The following ACLY variants were observed in gnomAD, a reference collection of about 807,000 sequenced individuals.
ACLY encodes ATP-citrate synthase.
A neutral mutation model predicts 133.0 loss-of-function variants in ACLY; 41 were observed. The ratio of observed to expected loss-of-function variants is 0.31; its 90% CI spans 0.24 to 0.40. ACLY has a LOEUF of 0.40. Among genes scored for constraint, ACLY ranks in the 10% least tolerant of loss-of-function variants. The pLI, the probability that ACLY is intolerant of heterozygous loss-of-function variation, is 1.00. For missense variants in ACLY, 1,046 were observed against 1,453.8 expected, an observed-to-expected ratio of 0.72 and a Z score of 4.56; for synonymous variants, 495 against 549.3, an observed-to-expected ratio of 0.90 and a Z score of 1.38.
chr17:41,921,430 G>A (rs2050180453), upstream of ACLY, among the ~76,000 whole-genome samples: 1 of 149,552 alleles, frequency 6.7e-6, no homozygotes, highest in East Asian at 2.0e-4. Context: ...GCTGCAGTGA[G>A]CTGAGATTGT....
At chr17:41,884,440 C>A (rs1555627848) in intron 18 of ACLY, among the ~76,000 whole-genome samples, 166 bp from the exon 19 acceptor site, 1 of 151,956 alleles carries the variant, frequency 6.6e-6, no homozygotes, top group African/African-American at 2.4e-5. Context: ...GGGAAGGTAG[C>A]AAATGGAACA....
At position 41,898,777 on chromosome 17, in the gene ACLY, T is replaced by C; in HGVS notation, c.1192A>G (p.Thr398Ala). Residue 398 changes from threonine to alanine, a missense_variant, in exon 12 of 29, where the codon ACT becomes GCT. Thr to Ala is a moderately conservative substitution (Grantham distance 58, BLOSUM62 0). Coordinates refer to ENST00000352035, the MANE Select transcript of ACLY (RefSeq NM_001096.3). ...CCAAAGACATGGATGGGGATCCCAG[T>C]GGTCTTCCCTGCAAGGGAAGGAAAA... ...LRVMGEVGKT[T>A]GIPIHVFGTE... 1 of 1,613,380 alleles carries C rather than the reference T, an allele frequency of 6.2e-7. No individual in the cohort carries two copies. Among genetic ancestry groups the C allele is most frequent in the Non-Finnish European group, 8.5e-7 (1 of 1,179,690 alleles).
intron 20 of ACLY, 150 bp downstream of exon 20, chr17:41,882,972 C>A: frequency 1.6e-6 from 1 of 623,066 alleles, no homozygotes; most frequent in South Asian, 2.2e-5. Flanking sequence ...GAGAGCAGGG[C>A]CCTGGCTGGA....
chr17:41,886,241 G>T lies in ACLY; in HGVS notation c.1943C>A (p.Ala648Asp). 1 of 1,614,148 alleles carries T rather than the reference G, an allele frequency of 6.2e-7. No individual in the cohort carries two copies. The highest frequency in any genetic ancestry group is 8.5e-7 in the Non-Finnish European group (1 of 1,179,980). The part of the protein sequence containing the change: ...NTGGMLDNIL[A>D]SKLYRPGSVA... ...GCTGCCTGGGCGGTACAGTTTGGAG[G>T]CCAGGATGTTGTCCAGCATCCCACC... The change falls in exon 18 of 29, where the codon GCC becomes GAC. Residue 648 changes from alanine to aspartate, a missense_variant. Ala to Asp is a moderately radical substitution (Grantham distance 126). Coordinates refer to ENST00000352035, the MANE Select transcript of ACLY (RefSeq NM_001096.3).
At chr17:41,902,837 T>C (rs1231171304) in intron 10 of ACLY, among the ~76,000 whole-genome samples, 2 of 152,220 alleles carry the variant, frequency 1.3e-5, no homozygotes, top group Non-Finnish European at 2.9e-5. Context: ...CCACATTTTA[T>C]TTATGTTTTG....
At chr17:41,898,855 C>A in intron 11 of ACLY, 70 bp from the exon 12 acceptor site, 1 of 1,487,590 alleles carries the variant, frequency 6.7e-7, no homozygotes, top group South Asian at 1.2e-5. Context: ...TGTGACCCTG[C>A]AAAGGGCCTT....
In ACLY at chr17:41,909,410, C is replaced by T. The variant is rs570969130; in HGVS notation, c.536+100G>A. The T allele has an allele frequency of 1.7e-5, 23 of 1,341,436 alleles. 1 individual carries two copies. The African/African-American group carries it at 3.3e-4, about 19-fold the overall frequency. 83.1% of individuals were successfully genotyped at this position (1,341,436 alleles called of 1,614,324 possible). Reference sequence around the variant, plus strand: ...GGACAGGGCCGTGTCTACCACCTGGCTCCCAGAGAGGAGACCGCTCTGCTC... The same window carrying T: ...GGACAGGGCCGTGTCTACCACCTGGTTCCCAGAGAGGAGACCGCTCTGCTC... On this transcript the variant is annotated intron_variant, in intron 5 of 28. Coordinates refer to ENST00000352035, the MANE Select transcript of ACLY (RefSeq NM_001096.3).
chr17:41,868,395 G>A (rs1164042157), intron 28 of ACLY, among the ~76,000 whole-genome samples: 1 of 130,926 alleles, frequency 7.6e-6, no homozygotes, highest in African/African-American at 2.9e-5. Context: ...CTGAGACCGC[G>A]CCACTGCACT....
chr17:41,871,889 C>CA (rs2048606938), intron 24 of ACLY, 57 bp from the exon 25 acceptor site: 2 of 1,606,354 alleles, frequency 1.2e-6, no homozygotes, highest in Admixed American at 3.4e-5. Context: ...TTCAGCTGGG[C>CA]AAACCAACCC....
chr17:41,879,130 C>A (rs1342935100), intron 20 of ACLY, among the ~76,000 whole-genome samples: 1 of 152,116 alleles, frequency 6.6e-6, no homozygotes, highest in African/African-American at 2.4e-5. Context: ...GGTCACGCAG[C>A]TAAGGTGCAT....
intron 3 of ACLY, 39 bp from the exon 4 acceptor site, chr17:41,910,323 G>A (rs782768679): frequency 1.3e-6 from 2 of 1,582,080 alleles, no homozygotes; most frequent in Non-Finnish European, 1.7e-6. Context: ...CAGAGGGACA[G>A]CACGTCTTGC....
In ACLY at chr17:41,910,304, G is replaced by C. The variant is rs1555633442; in HGVS notation, c.283-20C>G. The C allele has an allele frequency of 3.7e-6, 6 of 1,611,290 alleles. No individual in the cohort carries two copies. Among genetic ancestry groups the C allele is most frequent in the Admixed American group, 1.7e-5 (1 of 59,716 alleles). On this transcript the variant is annotated intron_variant, in intron 3 of 28. Transcript: ENST00000352035. Reference sequence around the variant, plus strand: ...GCCAACCTACAGAAAAATTGAGGGAGATGAAACTCAGAGGGACAGCACGTC... The same window carrying C: ...GCCAACCTACAGAAAAATTGAGGGACATGAAACTCAGAGGGACAGCACGTC...
At chr17:41,895,235 G>A (rs2144324692) in intron 14 of ACLY, among the ~76,000 whole-genome samples, 1 of 152,334 alleles carries the variant, frequency 6.6e-6, no homozygotes, top group South Asian at 2.1e-4. Context: ...GTGAGTTCAT[G>A]ACCCGCCATC....
At position 41,893,166 on chromosome 17, in the gene ACLY, T is replaced by C. The variant is rs1386651104; in HGVS notation, c.1468A>G (p.Thr490Ala). The C allele has an allele frequency of 1.9e-6, 3 of 1,612,390 alleles. No homozygotes were observed. The African/African-American group carries it at 4.0e-5, about 22-fold the overall frequency. ...PSPRSLQGKSTTLFSRHTKAI... is the reference protein window; with the variant it reads ...PSPRSLQGKSATLFSRHTKAI... Reference sequence around the variant, plus strand: ...TTGGTGTGGCGGCTGAAGAGGGTGGTGCTCTTTCCTGGTGGGCAAAGACAC... The same window carrying C: ...TTGGTGTGGCGGCTGAAGAGGGTGGCGCTCTTTCCTGGTGGGCAAAGACAC... The change falls in exon 15 of 29, where the codon ACC becomes GCC. Residue 490 changes from threonine to alanine, a missense_variant. Thr to Ala is a moderately conservative substitution (Grantham distance 58). This residue lies in a region of ACLY where 575 missense variants were observed against 804.2 expected (regional missense o/e 0.71). Coordinates refer to ENST00000352035, the MANE Select transcript of ACLY (RefSeq NM_001096.3).
chr17:41,903,724 C>A (rs529714939), intron 10 of ACLY, among the ~76,000 whole-genome samples: 1 of 131,976 alleles, frequency 7.6e-6, no homozygotes, highest in African/African-American at 2.9e-5. Context: ...CCACTGCACG[C>A]CAGCCTGGGC....
In ACLY at chr17:41,876,327, C is replaced by T. The variant is rs371068486; in HGVS notation, c.2487+1776G>A. On this transcript the variant is annotated intron_variant, in intron 22 of 28. Coordinates refer to ENST00000352035, the MANE Select transcript of ACLY (RefSeq NM_001096.3). Reference sequence around the variant, plus strand: ...CCCCCGCCCGGCCAGCCGCCCCGTCCGGGAGGTGAGGGGCGCCTCTGCCCG... The same window carrying T: ...CCCCCGCCCGGCCAGCCGCCCCGTCTGGGAGGTGAGGGGCGCCTCTGCCCG... Among the ~76,000 whole-genome samples, 3 of 138,574 alleles carry T rather than the reference C, an allele frequency of 2.2e-5. No homozygotes were observed. The East Asian group carries it at 7.1e-4, about 33-fold the overall frequency. The allele number at this position is 138,574 out of a possible 152,430, so 90.9% of individuals were successfully genotyped here.
Position 41,883,124 on chromosome 17 carries a change from C to T in ACLY, c.2263G>A (p.Glu755Lys), listed in dbSNP as rs1424756249. ...GAAGTGACCCATCTCAGCCATACCT[C>T]AGAGGAGAACATGGTGGCACACGTC... Reference protein sequence around the residue: ...IGTCATMFSSEVQFGHAGACA... With the variant: ...IGTCATMFSSKVQFGHAGACA... The change falls in exon 20 of 29, where the codon GAG becomes AAG. Residue 755 changes from glutamate to lysine, a missense_variant and splice_region_variant. Glu to Lys is a moderately conservative substitution (Grantham distance 56). Coordinates refer to ENST00000352035, the MANE Select transcript of ACLY (RefSeq NM_001096.3). 1.9e-6 allele frequency: 3 copies of T among 1,613,488 alleles called. No individual in the cohort carries two copies. The highest frequency in any genetic ancestry group is 2.5e-6 in the Non-Finnish European group (3 of 1,179,844).
Position 41,886,180 on chromosome 17 carries a change from G to A in ACLY, c.2004C>T (p.Asn668=), listed in dbSNP as rs374050031. The part of the protein sequence containing the change: ...AYVSRSGGMS[N]ELNNIISRTT... ...TCCGAGAGATGATATTGTTGAGCTC[G>A]TTGGACATGCCTCCGGAACGTGAGA... The change falls in exon 18 of 29, where the codon AAC becomes AAT. Residue 668 remains asparagine, a synonymous_variant. Transcript: ENST00000352035. 25 of 1,614,056 alleles carry A rather than the reference G, an allele frequency of 1.5e-5. No homozygotes were observed. Among genetic ancestry groups the A allele is most frequent in the African/African-American group, 4.0e-5 (3 of 74,918 alleles).
At chr17:41,902,115 T>C (rs2049557240) in intron 10 of ACLY, among the ~76,000 whole-genome samples, 1 of 152,236 alleles carries the variant, frequency 6.6e-6, no homozygotes, top group Non-Finnish European at 1.5e-5. Context: ...ACTACATTTT[T>C]GTTTTTGGTG....
Sources: gnomAD v4.1 joint callset for allele counts (sites outside exome capture counted in the v4.1 genomes callset) on GRCh38, gnomAD v4.1.1 for gene constraint, gnomAD v4.1.1 regional missense constraint, MANE v1.5 for transcripts, NCBI Gene and HGNC (gene_info 2026-07-23, HGNC 2026-07-21) for gene names.